The following PARVB variants were observed in gnomAD, a reference collection of about 807,000 sequenced individuals.
PARVB encodes parvin beta.
In PARVB, 46 loss-of-function variants were observed where a neutral mutation model predicts 47.0. The observed-to-expected ratio is 0.98, with a 90% CI of 0.77 to 1.25. The LOEUF is 1.25. PARVB is among the 50% of genes most tolerant of loss of function. PARVB has a pLI of 0.00. For missense variants in PARVB, 473 were observed against 471.6 expected (o/e 1.00, Z -0.03); for synonymous variants, 196 against 196.3 (o/e 1.00, Z 0.01).
At position 44,068,031 on chromosome 22, in the gene PARVB, C is replaced by T. The variant is rs1170398761; in HGVS notation, c.113-25897C>T. Among the ~76,000 whole-genome samples, 1 of 152,150 alleles carries T rather than the reference C, an allele frequency of 6.6e-6. No individual in the cohort carries two copies. Among genetic ancestry groups the T allele is most frequent in the African/African-American group, 2.4e-5 (1 of 41,434 alleles). On this transcript the variant is annotated intron_variant, in intron 1 of 12. Transcript: ENST00000338758. The surrounding 1 kb of genome is among the most constrained non-coding windows in gnomAD (Gnocchi z 4.1). ...AGGCATGTCCCAGTCCACTGCCTGC[C>T]CCAGAGCCCCGCCTGGAGCACCTGC...
intron 12 of PARVB, among the ~76,000 whole-genome samples, chr22:44,167,802 G>C (rs964319928): frequency 6.6e-6 from 1 of 152,208 alleles, no homozygotes; most frequent in Non-Finnish European, 1.5e-5. Context: ...CAGCACACTC[G>C]TGGGCAGGTC....
chr22:44,001,356 C>T (rs1302302336), intron 2 of PARVB, among the ~76,000 whole-genome samples: 2 of 152,202 alleles, frequency 1.3e-5, no homozygotes, highest in African/African-American at 4.8e-5. Context: ...ATTTGATAAA[C>T]CCGTTGTAAT....
At position 44,160,788 on chromosome 22, in the gene PARVB, G is replaced by T. The variant is rs553626282; in HGVS notation, c.945+2705G>T. ...GAGCGGCTGCAGAGCAATGAGGCTT[G>T]GAAGGGGCTTTGCTCTCCCCTTAAA... is the stretch of plus-strand genomic sequence containing the variant. On this transcript the variant is annotated intron_variant, in intron 11 of 12. Transcript: ENST00000338758. Among the ~76,000 whole-genome samples the T allele has an allele frequency of 4.7e-4, 72 of 152,314 alleles. No individual in the cohort carries two copies. The Middle Eastern group carries it at 0.01, about 22-fold the overall frequency.
chr22:44,023,991 T>C (rs7285340), upstream of PARVB, among the ~76,000 whole-genome samples: 50,921 of 152,152 alleles, frequency 0.33, 8,922 homozygotes, highest in East Asian at 0.6. Context: ...CAGGACGTCC[T>C]GAGGCTGCAC....
chr22:44,097,571 C>G (rs117300720), intron 2 of PARVB, among the ~76,000 whole-genome samples: 8,449 of 152,316 alleles, frequency 0.055, 280 homozygotes, highest in Middle Eastern at 0.11. Context: ...TGCTCTGAAT[C>G]AGGCCCCTGC....
chr22:44,145,481 A>C (rs2053643924), intron 8 of PARVB: 1 of 152,220 alleles, frequency 6.6e-6, no homozygotes, highest in African/African-American at 2.4e-5. Context: ...TGCGGCTCCC[A>C]GGGCTGCTCC....
intron 1 of PARVB, among the ~76,000 whole-genome samples, chr22:44,048,899 A>G (rs2051160131): frequency 6.6e-6 from 1 of 152,110 alleles, no homozygotes; most frequent in Non-Finnish European, 1.5e-5. Flanking sequence ...CATGTTGGCC[A>G]GGCTAGTCTC....
In PARVB at chr22:44,089,262, G is replaced by A. The variant is rs2052105305; in HGVS notation, c.113-4666G>A. The A allele has an allele frequency of 6.6e-6, 1 of 152,316 alleles. No individual in the cohort carries two copies. The highest frequency in any genetic ancestry group is 1.5e-5 in the Non-Finnish European group (1 of 68,120). 9.4% of individuals were successfully genotyped at this position (152,316 alleles called of 1,614,324 possible). ...GTGGCTGGCTGCTGGGTTTCGTGTG[G>A]ACAGAGACATTCATCTTAGAACAAT... is the stretch of plus-strand genomic sequence containing the variant. On this transcript the variant is annotated intron_variant, in intron 1 of 12. Coordinates refer to ENST00000338758, the MANE Select transcript of PARVB (RefSeq NM_013327.5). The surrounding 1 kb of genome is among the most constrained non-coding windows in gnomAD (Gnocchi z 4.0).
rs145218216 is a variant in PARVB, at chr22:44,008,801, C to T, written c.211+9128C>T. Among the ~76,000 whole-genome samples, 17 of 151,722 alleles carry T rather than the reference C, an allele frequency of 1.1e-4. No individual in the cohort carries two copies. The East Asian group carries it at 1.6e-3, about 14-fold the overall frequency. The stretch of plus-strand genomic sequence containing the variant: ...GAAATCGAGATCATCATGGCTAACA[C>T]GAGGAAACCCCATCTCTACTAAAAG... On this transcript the variant is annotated intron_variant, in intron 2 of 13. Transcript: ENST00000406477.
At chr22:44,006,640 AAAAG>A (rs1373892385) in intron 2 of PARVB, among the ~76,000 whole-genome samples, 4 of 152,146 alleles carry the variant, frequency 2.6e-5, no homozygotes, top group Non-Finnish European at 4.4e-5. Flanking sequence ...GAAAAAAAGA[AAAAG>A]AAATGCAGAG....
intron 2 of PARVB, chr22:43,999,739 A>C (rs1356470019): frequency 8.9e-7 from 1 of 1,126,342 alleles, no homozygotes; most frequent in Non-Finnish European, 1.3e-6. Context: ...CATGCCTGTA[A>C]CCCTAGCACT....
At chr22:44,079,055 G>T (rs953163348) in intron 1 of PARVB, among the ~76,000 whole-genome samples, 1 of 152,172 alleles carries the variant, frequency 6.6e-6, no homozygotes, top group Non-Finnish European at 1.5e-5. Flanking sequence ...AGACACTGCA[G>T]TAGAGAGAAT....
intron 12 of PARVB, among the ~76,000 whole-genome samples, chr22:44,165,794 C>T (rs2054154850): frequency 6.6e-6 from 1 of 152,270 alleles, no homozygotes; most frequent in Admixed American, 6.5e-5. Flanking sequence ...CTGACTGCTC[C>T]TGAGCACCTA....
intron 1 of PARVB, chr22:44,026,245 A>G (rs757732873): frequency 7.8e-6 from 7 of 896,556 alleles, no homozygotes; most frequent in Non-Finnish European, 9.4e-6. Context: ...TAGAAAATTC[A>G]GGCCCAGCCT....
intron 1 of PARVB, among the ~76,000 whole-genome samples, chr22:44,032,089 A>G (rs567776378): frequency 6.6e-6 from 1 of 152,348 alleles, no homozygotes; most frequent in East Asian, 1.9e-4. Context: ...GCCCAATGGT[A>G]TTAATTTGCT....
Position 44,168,804 on chromosome 22 carries a change from C to CACCCCACCCCTACCTCACGCCT in PARVB, c.*127_*148dup. On this transcript the variant is annotated 3_prime_UTR_variant, in exon 13 of 13. Coordinates refer to ENST00000338758, the MANE Select transcript of PARVB (RefSeq NM_013327.5). ...TCCAAGCTGTGTTGACTGTCATCCCCACCCCACCCCTACCTCACGCCTGCC... is the reference window on the plus strand; with the variant it reads ...TCCAAGCTGTGTTGACTGTCATCCCCACCCCACCCCTACCTCACGCCTACCCCACCCCTACCTCACGCCTGCC... 1 of 650,918 alleles carries CACCCCACCCCTACCTCACGCCT rather than the reference C, an allele frequency of 1.5e-6. No homozygotes were observed. 40.3% of individuals were successfully genotyped at this position (650,918 alleles called of 1,614,324 possible). A position where few individuals can be genotyped will look rare whatever the true frequency, so the allele number is the denominator to read the frequency against.
chr22:44,023,010 G>T (rs1245978331), upstream of PARVB, among the ~76,000 whole-genome samples: 1 of 151,968 alleles, frequency 6.6e-6, no homozygotes, highest in African/African-American at 2.4e-5. Context: ...GCCTCCCAAA[G>T]TGTTGGGATT....
intron 1 of PARVB, among the ~76,000 whole-genome samples, chr22:44,070,051 T>C (rs2051621772): frequency 6.6e-6 from 1 of 152,202 alleles, no homozygotes; most frequent in Non-Finnish European, 1.5e-5. Context: ...ATGTTCGATT[T>C]TTCCTCCTGT....
At chr22:44,047,435 C>A (rs1299887691) in intron 1 of PARVB, among the ~76,000 whole-genome samples, 1 of 152,128 alleles carries the variant, frequency 6.6e-6, no homozygotes, top group Non-Finnish European at 1.5e-5. Context: ...CCAAGGCAGG[C>A]AGATCACTTG....
Sources: gnomAD v4.1 joint callset for allele counts (sites outside exome capture counted in the v4.1 genomes callset) on GRCh38, gnomAD v4.1.1 for gene constraint, Gnocchi (gnomAD v3.1) non-coding constraint, MANE v1.5 for transcripts, NCBI Gene and HGNC (gene_info 2026-07-23, HGNC 2026-07-21) for gene names.